Variants in FBLN5 observed in about 807,000 individuals in gnomAD.
FBLN5 encodes the protein fibulin-5.
Under a neutral mutation model 61.6 loss-of-function variants are expected in FBLN5, and 24 were observed. That is an observed-to-expected ratio of 0.39 (90% CI 0.28 to 0.55). The LOEUF is 0.55. Ranked by LOEUF, FBLN5 falls within the 20% of genes least tolerant of loss-of-function variation. The pLI is 0.65. For missense variants in FBLN5, 470 were observed against 594.1 expected (o/e 0.79, Z 2.17); for synonymous variants, 213 against 219.8 (o/e 0.97, Z 0.27).
chr14:91,941,666 G>T (rs770935246), intron 2 of FBLN5, among the ~76,000 whole-genome samples: 18 of 152,154 alleles, frequency 1.2e-4, no homozygotes, highest in Non-Finnish European at 2.4e-4. Context: ...AGCCCTGGTT[G>T]TCAAGGACTG....
chr14:91,939,228 G>T (rs189902730), intron 3 of FBLN5, among the ~76,000 whole-genome samples: 10 of 152,168 alleles, frequency 6.6e-5, no homozygotes, highest in Admixed American at 4.6e-4. Flanking sequence ...CATGCTCTGA[G>T]TGTCCTTTCC....
intron 4 of FBLN5, among the ~76,000 whole-genome samples, chr14:91,914,820 TTTTTG>T (rs528736723): frequency 3.8e-4 from 58 of 152,010 alleles, no homozygotes; most frequent in Middle Eastern, 3.4e-3. Flanking sequence ...GTGGTTTTTT[TTTTTG>T]TTTTGTTTTG....
At chr14:91,890,896 C>A (rs1033776742) in intron 6 of FBLN5, among the ~76,000 whole-genome samples, 1 of 152,180 alleles carries the variant, frequency 6.6e-6, no homozygotes, top group African/African-American at 2.4e-5. Flanking sequence ...GGACATGCAA[C>A]CAAATTTCTG....
chr14:91,924,656 A>G (rs183057069), intron 4 of FBLN5, among the ~76,000 whole-genome samples: 41 of 152,248 alleles, frequency 2.7e-4, no homozygotes, highest in African/African-American at 9.2e-4. Context: ...CACAAGAGAA[A>G]AAGAAAAAGA....
At chr14:91,881,593 T>A (rs1234064083) in intron 8 of FBLN5, among the ~76,000 whole-genome samples, 175 bp from the exon 9 acceptor site, 2 of 151,218 alleles carry the variant, frequency 1.3e-5, no homozygotes, top group Non-Finnish European at 2.9e-5. Context: ...AGATGTGCTG[T>A]AAGTAGAAAA....
rs1456622933 is a variant in FBLN5, at chr14:91,877,630, T to G, written c.1042A>C (p.Ile348Leu). The G allele has an allele frequency of 9.9e-6, 16 of 1,613,850 alleles. No homozygotes were observed. The highest frequency in any genetic ancestry group is 1.4e-5 in the Non-Finnish European group (16 of 1,179,986). ...NPGCRDQPFT[I>L]LYRDMDVVSG... ...ACCACGTCCATGTCCCGGTACAAGA[T>G]GGTAAAGGGCTGGTCTCTGCAGCCA... Residue 348 changes from isoleucine (I) to leucine (L), a missense_variant, in exon 10 of 11, where the codon ATC becomes CTC. Transcript: ENST00000342058.
chr14:91,884,314 C>T (rs915290644), intron 7 of FBLN5, among the ~76,000 whole-genome samples: 1 of 152,174 alleles, frequency 6.6e-6, no homozygotes, highest in African/African-American at 2.4e-5. Context: ...TGTGCCTCCC[C>T]GCCTCCCCTA....
intron 3 of FBLN5, chr14:91,939,884 T>C (rs2056079509): frequency 2.3e-6 from 1 of 443,710 alleles, no homozygotes; most frequent in African/African-American, 2.0e-5. Context: ...ATTTTCTGGG[T>C]GGGCCCGATA....
chr14:91,905,190 C>T (rs565240365), intron 4 of FBLN5, among the ~76,000 whole-genome samples: 3 of 152,150 alleles, frequency 2.0e-5, no homozygotes, highest in South Asian at 4.1e-4. Context: ...AGTGAGAAGA[C>T]CCTGCCACCA....
chr14:91,946,861 A>G (rs961808273), intron 1 of FBLN5: 4 of 1,495,728 alleles, frequency 2.7e-6, no homozygotes, highest in Non-Finnish European at 3.5e-6. Flanking sequence ...CTAGTGAACT[A>G]GTAATTGGCC....
intron 10 of FBLN5, among the ~76,000 whole-genome samples, chr14:91,876,795 G>A (rs560490194): frequency 1.3e-5 from 2 of 152,332 alleles, no homozygotes; most frequent in East Asian, 3.9e-4. Context: ...CCAGAACTAT[G>A]AGAGAATAAA....
intron 4 of FBLN5, among the ~76,000 whole-genome samples, chr14:91,928,846 C>T (rs2140035354): frequency 6.6e-6 from 1 of 152,162 alleles, no homozygotes; most frequent in South Asian, 2.1e-4. Flanking sequence ...ATCATGAGAT[C>T]AGGAGATCGA....
rs267604095 is a variant in FBLN5, at chr14:91,877,514, C to T, written c.1158G>A (p.Gly386=). 1 of 1,613,958 alleles carries T rather than the reference C, an allele frequency of 6.2e-7. No homozygotes were observed. The highest frequency in any genetic ancestry group is 8.5e-7 in the Non-Finnish European group (1 of 1,179,974). ...GCATGTAAAATTCTCTGCCCTCATT[C>T]CCAGATTTGATCTGGAAAATGTAAT... ...GAYYIFQIKS[G]NEGREFYMRQ... The change falls in exon 10 of 11, where the codon GGG becomes GGA. Residue 386 remains glycine (G), a synonymous_variant. Coordinates refer to ENST00000342058, the MANE Select transcript of FBLN5 (RefSeq NM_006329.4).
At chr14:91,914,710 G>A (rs957689468) in intron 4 of FBLN5, among the ~76,000 whole-genome samples, 5 of 151,008 alleles carry the variant, frequency 3.3e-5, no homozygotes, top group African/African-American at 1.2e-4. Context: ...AGGAATTGAT[G>A]AAATAAAAGC....
intron 7 of FBLN5, among the ~76,000 whole-genome samples, chr14:91,886,437 C>A (rs1194123255): frequency 1.3e-5 from 2 of 151,706 alleles, no homozygotes; most frequent in African/African-American, 4.8e-5. Flanking sequence ...ATTTTTCTAA[C>A]TAAGAAAAAA....
chr14:91,924,261 G>A (rs1241849353), intron 4 of FBLN5, among the ~76,000 whole-genome samples: 1 of 152,170 alleles, frequency 6.6e-6, no homozygotes, highest in Non-Finnish European at 1.5e-5. Context: ...TCCATCAGTG[G>A]TCATAAGTTA....
intron 4 of FBLN5, among the ~76,000 whole-genome samples, chr14:91,919,377 A>AAAAGAAAAG (rs1555378248): frequency 1.2e-5 from 1 of 85,774 alleles, no homozygotes; most frequent in African/African-American, 3.9e-5. Flanking sequence ...AAAAGAAAAG[A>AAAAGAAAAG]AAAGAAAGAA....
In FBLN5 at chr14:91,870,089, G is replaced by A. The variant is rs1373028689; in HGVS notation, c.*135C>T. ...TAGTACAGGTGAGAGTCAGGAAGTC[G>A]GGGCTGACTCTTCGGGGAAACGTTC... On this transcript the variant is annotated 3_prime_UTR_variant, in exon 11 of 11. Transcript: ENST00000342058. 3.3e-6 allele frequency: 3 copies of A among 910,882 alleles called. No individual in the cohort carries two copies. The highest frequency in any genetic ancestry group is 5.3e-6 in the Non-Finnish European group (3 of 571,172). The allele number at this position is 910,882 out of a possible 1,614,324, so 56.4% of individuals were successfully genotyped here.
At chr14:91,889,623 GT>G (rs1889893766) in intron 6 of FBLN5, among the ~76,000 whole-genome samples, 1 of 152,194 alleles carries the variant, frequency 6.6e-6, no homozygotes, top group African/African-American at 2.4e-5. Context: ...TATTATTTGG[GT>G]TCAGTGAGAT....
Sources: allele counts gnomAD v4.1 joint callset (sites outside exome capture counted in the v4.1 genomes callset), GRCh38; gene constraint gnomAD v4.1.1; transcripts MANE v1.5; gene names NCBI Gene and HGNC (gene_info 2026-07-23, HGNC 2026-07-21).